The following TRABD2B variants were observed in gnomAD, a reference collection of about 807,000 sequenced individuals.
TRABD2B encodes TraB domain containing 2B, also known as metalloprotease TIKI2.
TRABD2B carries 14 observed loss-of-function variants against 40.1 expected under a neutral mutation model. The ratio of observed to expected loss-of-function variants is 0.35; its 90% confidence interval spans 0.23 to 0.55. The LOEUF (loss-of-function observed/expected upper bound fraction) is 0.55. TRABD2B is among the 20% of genes least tolerant of loss of function. The pLI is 0.90. For synonymous variants in TRABD2B, 263 were observed against 277.0 expected (o/e 0.95, Z 0.50); for missense variants, 541 against 648.6 (o/e 0.83, Z 1.80).
chr1:47,882,389 A>T (rs1179602500), intron 2 of TRABD2B, among the ~76,000 whole-genome samples: 1 of 152,098 alleles, frequency 6.6e-6, no homozygotes, highest in Non-Finnish European at 1.5e-5. Context: ...ACCCTGTGAC[A>T]TCTCCCCTGG....
intron 1 of TRABD2B, among the ~76,000 whole-genome samples, chr1:47,995,532 G>T (rs1212594486): frequency 6.6e-6 from 1 of 151,898 alleles, no homozygotes; most frequent in African/African-American, 2.4e-5. Flanking sequence ...GCGTGTGTGT[G>T]TATGTAGGAG....
At chr1:47,808,571 G>A (rs888678511) in intron 2 of TRABD2B, among the ~76,000 whole-genome samples, 2 of 152,166 alleles carry the variant, frequency 1.3e-5, no homozygotes, top group Admixed American at 6.5e-5. Context: ...TAGGGTTAAT[G>A]AGCAAGCCCC....
intron 2 of TRABD2B, among the ~76,000 whole-genome samples, chr1:47,919,652 C>A (rs1385714681): frequency 6.6e-6 from 1 of 152,188 alleles, no homozygotes; most frequent in Non-Finnish European, 1.5e-5. Context: ...TCTAGTGGAG[C>A]AATGCACAGG....
intron 2 of TRABD2B, among the ~76,000 whole-genome samples, chr1:47,987,084 T>C (rs149305186): frequency 6.6e-6 from 1 of 152,306 alleles, no homozygotes; most frequent in East Asian, 1.9e-4. Flanking sequence ...CTTCTTGGCT[T>C]TGAGAGACGT....
chr1:47,897,448 AG>A (rs372600046), intron 2 of TRABD2B, among the ~76,000 whole-genome samples: 113 of 152,270 alleles, frequency 7.4e-4, no homozygotes, highest in African/African-American at 2.5e-3. Context: ...AGAAGCAGAC[AG>A]GCTCAGAGGT....
chr1:47,831,716 G>T (rs757545561), intron 2 of TRABD2B, among the ~76,000 whole-genome samples: 7 of 152,298 alleles, frequency 4.6e-5, no homozygotes, highest in Non-Finnish European at 1.0e-4. Flanking sequence ...TCGCAAACTG[G>T]CTAGGTGACT....
chr1:47,857,150 T>A (rs1643900842), intron 2 of TRABD2B, among the ~76,000 whole-genome samples: 1 of 152,236 alleles, frequency 6.6e-6, no homozygotes, highest in East Asian at 1.9e-4. Flanking sequence ...ATAAAGGCAC[T>A]TTCTGCATCC....
chr1:47,796,705 T>A (rs1348320237), intron 3 of TRABD2B, among the ~76,000 whole-genome samples: 1 of 152,236 alleles, frequency 6.6e-6, no homozygotes, highest in East Asian at 1.9e-4. Flanking sequence ...CCTAACCTTG[T>A]GCAGTGCGCA....
At chr1:47,969,634 G>A (rs192565580) in intron 2 of TRABD2B, among the ~76,000 whole-genome samples, 7 of 152,286 alleles carry the variant, frequency 4.6e-5, no homozygotes, top group Admixed American at 3.9e-4. Flanking sequence ...CCACACCCAG[G>A]TCAGTGACCT....
chr1:47,767,291 G>A (rs149595869), intron 6 of TRABD2B, among the ~76,000 whole-genome samples: 207 of 152,318 alleles, frequency 1.4e-3, no homozygotes, highest in African/African-American at 4.7e-3. Flanking sequence ...CACAAGCCCC[G>A]TCACCCAGAG....
At chr1:47,960,635 C>G (rs1273921500) in intron 2 of TRABD2B, among the ~76,000 whole-genome samples, 1 of 152,058 alleles carries the variant, frequency 6.6e-6, no homozygotes, top group Non-Finnish European at 1.5e-5. Flanking sequence ...AATAAAATAC[C>G]TAGGAATCCA....
intron 2 of TRABD2B, among the ~76,000 whole-genome samples, chr1:47,807,459 C>A (rs541040282): frequency 5.9e-5 from 9 of 152,306 alleles, no homozygotes; most frequent in Admixed American, 2.6e-4. Flanking sequence ...GTCATGCCGC[C>A]AGGTTAAGAA....
chr1:47,821,182 T>C (rs1416576418), intron 2 of TRABD2B, among the ~76,000 whole-genome samples: 1 of 152,214 alleles, frequency 6.6e-6, no homozygotes, highest in Admixed American at 6.5e-5. Flanking sequence ...CACATGATGG[T>C]GCTACAGAGG....
chr1:47,943,757 AACACACACACACACAC>A (rs10554684), intron 2 of TRABD2B, among the ~76,000 whole-genome samples: 263 of 146,824 alleles, frequency 1.8e-3, no homozygotes, highest in African/African-American at 3.6e-3. Flanking sequence ...GCATCCAGAA[AACACACACACACACAC>A]ACACACACAC....
At chr1:47,855,513 C>T (rs77820023) in intron 2 of TRABD2B, among the ~76,000 whole-genome samples, 186 of 152,314 alleles carry the variant, frequency 1.2e-3, no homozygotes, top group African/African-American at 4.3e-3. Context: ...CCTTTTTAAC[C>T]GGATATTATC....
intron 2 of TRABD2B, among the ~76,000 whole-genome samples, chr1:47,927,774 C>G (rs978893492): frequency 5.9e-5 from 9 of 152,186 alleles, no homozygotes; most frequent in Non-Finnish European, 2.9e-5. Context: ...TCCTCATCTG[C>G]GAAATGGGAG....
intron 2 of TRABD2B, among the ~76,000 whole-genome samples, chr1:47,826,511 C>T (rs1320225838): frequency 1.3e-5 from 2 of 152,094 alleles, no homozygotes; most frequent in African/African-American, 4.8e-5. Flanking sequence ...TGATGTTAAA[C>T]ATACAAAGAG....
At chr1:47,830,342 G>A (rs930947422) in intron 2 of TRABD2B, among the ~76,000 whole-genome samples, 2 of 152,260 alleles carry the variant, frequency 1.3e-5, no homozygotes, top group African/African-American at 4.8e-5. Flanking sequence ...GAGACAGTAA[G>A]GACAGAGAGA....
In TRABD2B at chr1:47,775,384, G is replaced by A; in HGVS notation, c.1135C>T (p.Pro379Ser). 8.1e-7 allele frequency: 1 copy of A among 1,237,346 alleles called. No homozygotes were observed. Among genetic ancestry groups the A allele is most frequent in the Middle Eastern group, 2.2e-4 (1 of 4,548 alleles). 76.6% of individuals were successfully genotyped at this position (1,237,346 alleles called of 1,614,324 possible). ...GGGACAGCGGCAGCTGGGGTCACTG[G>A]GGCCGGGCTCGTCGAGGTCCCCTCA... ...SPEGTSTSPA[P>S]VTPAAAVPEA... The change falls in exon 6 of 7, where the codon CCA becomes TCA. Residue 379 changes from proline (P) to serine (S), a missense_variant. Around this residue, in one of 2 missense-constraint regions of TRABD2B, gnomAD observed 172 missense variants for 155.8 expected, o/e 1.10. Transcript: ENST00000606738.
Sources: gnomAD v4.1 joint callset for allele counts (sites outside exome capture counted in the v4.1 genomes callset) on GRCh38, gnomAD v4.1.1 for gene constraint, gnomAD v4.1.1 regional missense constraint, MANE v1.5 for transcripts, NCBI Gene and HGNC (gene_info 2026-07-23, HGNC 2026-07-21) for gene names.